MTRF1: variants seen among roughly 807,000 people sequenced by gnomAD.
MTRF1 encodes peptide chain release factor 1, mitochondrial.
MTRF1 carries 51 observed loss-of-function variants against 62.9 expected under a neutral mutation model. The ratio of observed to expected loss-of-function variants is 0.81; its 90% CI spans 0.65 to 1.02. MTRF1 has a LOEUF of 1.02. Among genes scored for constraint, MTRF1 ranks in the 50% least tolerant of loss-of-function variants. The probability of loss-of-function intolerance (pLI) is 0.00; values close to 1 mark genes in which losing one functional copy is unlikely to be tolerated. For synonymous variants in MTRF1, 158 were observed against 181.9 expected (o/e 0.87, Z 1.06); for missense variants, 446 against 530.0 (o/e 0.84, Z 1.56).
the MTRF1 span, among the ~76,000 whole-genome samples, chr13:41,303,923 A>G: frequency 1.3e-5 from 2 of 152,214 alleles, no homozygotes; most frequent in South Asian, 4.1e-4. Context: ...GTTATCCTAT[A>G]TATAAATAAG....
At chr13:41,230,038 T>G (rs921439590) in intron 7 of MTRF1, among the ~76,000 whole-genome samples, 2 of 151,456 alleles carry the variant, frequency 1.3e-5, no homozygotes, top group African/African-American at 4.9e-5. Context: ...GAGGCAGAGG[T>G]TGCAGTGAAC....
At chr13:41,311,666 C>T in the MTRF1 span, 3 of 1,337,808 alleles carry the variant, frequency 2.2e-6, no homozygotes, top group Non-Finnish European at 3.1e-6. Context: ...GCGGCCGGCG[C>T]GGGCCAGGCT....
chr13:41,247,425 G>A (rs1198127847), intron 5 of MTRF1, among the ~76,000 whole-genome samples: 2 of 152,154 alleles, frequency 1.3e-5, no homozygotes, highest in African/African-American at 4.8e-5. Context: ...CAGGTACCAG[G>A]GATTATGTTA....
chr13:41,302,430 G>A, the MTRF1 span, among the ~76,000 whole-genome samples: 4 of 151,864 alleles, frequency 2.6e-5, no homozygotes, highest in African/African-American at 7.3e-5. Flanking sequence ...GCTTATTTTT[G>A]AGGATTTTCA....
At chr13:41,311,705 T>G in the MTRF1 span, 4 of 901,122 alleles carry the variant, frequency 4.4e-6, no homozygotes, top group Non-Finnish European at 6.8e-6. Flanking sequence ...GCTCTTTGTT[T>G]ACCTCGGAGG....
At chr13:41,254,072 C>T (rs1386874420) in intron 3 of MTRF1, among the ~76,000 whole-genome samples, 1 of 152,184 alleles carries the variant, frequency 6.6e-6, no homozygotes, top group African/African-American at 2.4e-5. Context: ...CCCTGAGAAG[C>T]TCCAGTATGC....
the MTRF1 span, among the ~76,000 whole-genome samples, chr13:41,273,048 T>A: frequency 6.6e-6 from 1 of 152,024 alleles, no homozygotes. Context: ...CATCTATGGC[T>A]GGGCATGGTG....
At chr13:41,231,958 C>T (rs889525513) in intron 7 of MTRF1, among the ~76,000 whole-genome samples, 10 of 150,492 alleles carry the variant, frequency 6.6e-5, no homozygotes, top group Middle Eastern at 3.5e-3. Flanking sequence ...GAAGCTGGGA[C>T]GGGGGAGTGG....
At chr13:41,288,009 T>C in the MTRF1 span, 1 of 363,968 alleles carries the variant, frequency 2.7e-6, no homozygotes, top group African/African-American at 2.1e-5. Context: ...GTTGGGAAAA[T>C]GGTGCTGCAT....
chr13:41,244,306 T>C (rs1340377688), intron 5 of MTRF1, among the ~76,000 whole-genome samples: 2 of 152,234 alleles, frequency 1.3e-5, no homozygotes, highest in African/African-American at 4.8e-5. Flanking sequence ...GCCTTATAAG[T>C]CTCAAGGTCT....
At chr13:41,285,536 T>G in the MTRF1 span, among the ~76,000 whole-genome samples, 1 of 152,192 alleles carries the variant, frequency 6.6e-6, no homozygotes, top group Non-Finnish European at 1.5e-5. Flanking sequence ...GACGAGTTCC[T>G]TCAGAATCAA....
the MTRF1 span, among the ~76,000 whole-genome samples, chr13:41,284,297 C>T: frequency 6.6e-6 from 1 of 150,514 alleles, no homozygotes; most frequent in Non-Finnish European, 1.5e-5. Flanking sequence ...ACCAGCCTGG[C>T]CAACATGGCA....
chr13:41,271,543 C>T, the MTRF1 span, among the ~76,000 whole-genome samples: 1 of 152,106 alleles, frequency 6.6e-6, no homozygotes, highest in Non-Finnish European at 1.5e-5. Flanking sequence ...GAGTCGTTTC[C>T]ATCGTCTTTC....
At chr13:41,256,755 T>C (rs1365906514) in intron 2 of MTRF1, among the ~76,000 whole-genome samples, 4 of 152,236 alleles carry the variant, frequency 2.6e-5, no homozygotes, top group Non-Finnish European at 1.5e-5. Context: ...TTTGCAATCA[T>C]ATAAAATTAT....
chr13:41,307,255 G>T, the MTRF1 span, among the ~76,000 whole-genome samples: 1 of 152,116 alleles, frequency 6.6e-6, no homozygotes, highest in Non-Finnish European at 1.5e-5. Flanking sequence ...GGTAGGAGGT[G>T]ACTGGATCAT....
chr13:41,234,909 G>T (rs1157430579), intron 6 of MTRF1, among the ~76,000 whole-genome samples: 1 of 152,128 alleles, frequency 6.6e-6, no homozygotes, highest in Non-Finnish European at 1.5e-5. Flanking sequence ...TTTGGACTGG[G>T]TTTGAATCTG....
the MTRF1 span, among the ~76,000 whole-genome samples, chr13:41,270,371 T>C: frequency 6.6e-6 from 1 of 152,096 alleles, no homozygotes; most frequent in Admixed American, 6.5e-5. Flanking sequence ...TTTTATTTTC[T>C]TCAGTTAATT....
chr13:41,311,147 G>A, the MTRF1 span: 4 of 345,778 alleles, frequency 1.2e-5, no homozygotes, highest in South Asian at 1.3e-4. Flanking sequence ...CGCAGCACAA[G>A]GCAAATCCAC....
At chr13:41,230,148 A>G (rs2035266561) in intron 7 of MTRF1, among the ~76,000 whole-genome samples, 1 of 151,966 alleles carries the variant, frequency 6.6e-6, no homozygotes, top group South Asian at 2.1e-4. Flanking sequence ...AAAAAATGGC[A>G]TATTTTTATA....
Sources: allele counts gnomAD v4.1 joint callset (sites outside exome capture counted in the v4.1 genomes callset), GRCh38; gene constraint gnomAD v4.1.1; transcripts MANE v1.5; gene names NCBI Gene and HGNC (gene_info 2026-07-23, HGNC 2026-07-21).